SCN4A: variants seen among roughly 807,000 people sequenced by gnomAD.
The protein encoded by SCN4A is sodium voltage-gated channel alpha subunit 4, also known as sodium channel protein type 4 subunit alpha.
In SCN4A, 83 loss-of-function variants were observed where a neutral mutation model predicts 162.0. The ratio of observed to expected loss-of-function variants is 0.51; its 90% CI spans 0.43 to 0.61. The LOEUF (loss-of-function observed/expected upper bound fraction) is 0.61. SCN4A is among the 20% of genes least tolerant of loss of function. The pLI, the probability that SCN4A is intolerant of heterozygous loss-of-function variation, is 0.00. For synonymous variants in SCN4A, 944 were observed against 985.1 expected (o/e 0.96, Z 0.78); for missense variants, 2,196 against 2,462.5 (o/e 0.89, Z 2.29).
At chr17:63,962,717 G>T (rs1235781923) in intron 10 of SCN4A, among the ~76,000 whole-genome samples, 1 of 152,076 alleles carries the variant, frequency 6.6e-6, no homozygotes, top group Non-Finnish European at 1.5e-5. Context: ...GTCACTCAAA[G>T]CCTCCCCAGT....
chr17:63,944,534 G>T lies in SCN4A; in HGVS notation c.3912+139C>A. ...GTTCAAGGTGGCCTGGTGGGACTGG[G>T]ACCCAAGCTAGCTGCCTGAACCAAC... On this transcript the variant is annotated intron_variant, in intron 21 of 23. Coordinates refer to ENST00000435607, the MANE Select transcript of SCN4A (RefSeq NM_000334.4). This position sits in a 1 kb window ranked among gnomAD's most constrained non-coding sequence, Gnocchi z 4.3. The T allele has an allele frequency of 1.1e-6, 1 of 895,218 alleles. No homozygotes were observed. Among genetic ancestry groups the T allele is most frequent in the Admixed American group, 2.6e-5 (1 of 38,998 alleles). 55.5% of individuals were successfully genotyped at this position (895,218 alleles called of 1,614,324 possible).
chr17:63,948,599 G>A lies in SCN4A; in HGVS notation c.3144+12C>T. 2 of 1,611,192 alleles carry A rather than the reference G, an allele frequency of 1.2e-6. No individual in the cohort carries two copies. Among genetic ancestry groups the A allele is most frequent in the Non-Finnish European group, 1.7e-6 (2 of 1,178,246 alleles). ...CCCCTGCCCCTGACCCGTGCTCCCA[G>A]GCAGTGCCTACCAGAGCCCCACTGC... On this transcript the variant is annotated intron_variant, in intron 16 of 23. Transcript: ENST00000435607.
At chr17:63,971,394 C>A in intron 4 of SCN4A, 141 bp from the exon 5 acceptor site, 1 of 651,038 alleles carries the variant, frequency 1.5e-6, no homozygotes, top group Non-Finnish European at 2.8e-6. Context: ...GGGCAGACAC[C>A]CCCAAAGCTC....
Position 63,945,269 on chromosome 17 carries a change from A to C in SCN4A, c.3720+91T>G. ...AAGCAGGGTGGGCGGTCCCCTAACC[A>C]GGAGTGACACTGGGGTTGGGTACAA... On this transcript the variant is annotated intron_variant, in intron 19 of 23. Transcript: ENST00000435607. This position sits in a 1 kb window ranked among gnomAD's most constrained non-coding sequence, Gnocchi z 4.4. 5.8e-6 allele frequency: 7 copies of C among 1,215,232 alleles called. No homozygotes were observed. The highest frequency in any genetic ancestry group is 8.3e-6 in the Non-Finnish European group (7 of 846,938). The allele number at this position is 1,215,232 out of a possible 1,614,324, so 75.3% of individuals were successfully genotyped here.
intron 18 of SCN4A, 37 bp downstream of exon 18, chr17:63,947,008 A>AACCCCCCCCCC: frequency 7.7e-6 from 6 of 782,380 alleles, no homozygotes; most frequent in Non-Finnish European, 1.2e-5. Flanking sequence ...CCGGTCCCCC[A>AACCCCCCCCCC]TCCCCAGCCC....
At position 63,940,846 on chromosome 17, in the gene SCN4A, G is replaced by T. The variant is rs377620682; in HGVS notation, c.5436C>A (p.Pro1812=). The change falls in exon 24 of 24, where the codon CCC becomes CCA. Residue 1812 remains proline, a synonymous_variant. Transcript: ENST00000435607. Reference sequence around the variant, plus strand: ...GGGCGGGAGGCCAGGCAGTGTCTGAGGGGCTGATGGGCATCAGCCCCATAG... The same window carrying T: ...GGGCGGGAGGCCAGGCAGTGTCTGATGGGCTGATGGGCATCAGCCCCATAG... ...GPTMGLMPIS[P]SDTAWPPAPP... 17 of 1,611,968 alleles carry T rather than the reference G, an allele frequency of 1.1e-5. No individual in the cohort carries two copies. Among genetic ancestry groups the T allele is most frequent in the African/African-American group, 6.7e-5 (5 of 74,862 alleles).
Position 63,966,541 on chromosome 17 carries a change from T to C in SCN4A, c.1040A>G (p.Asn347Ser), listed in dbSNP as rs367545756. 2 of 1,613,574 alleles carry C rather than the reference T, an allele frequency of 1.2e-6. No homozygotes were observed. Among genetic ancestry groups the C allele is most frequent in the Non-Finnish European group, 1.7e-6 (2 of 1,179,612 alleles). ...DWDAYISDEG[N>S]FYFLEGSNDA... is the part of the protein sequence containing the mutation. The stretch of plus-strand genomic sequence containing the variant: ...GTTGGAGCCCTCCAGGAAGTAGAAG[T>C]TCCCTTTGGGAGTCAGAGGCCACAA... The change falls in exon 7 of 24, where the codon AAC becomes AGC. Residue 347 changes from asparagine (N) to serine (S), a missense_variant. Coordinates refer to ENST00000435607, the MANE Select transcript of SCN4A (RefSeq NM_000334.4).
At chr17:63,959,227 C>G (rs1332377891) in intron 12 of SCN4A, 38 bp downstream of exon 12, 1 of 1,579,266 alleles carries the variant, frequency 6.3e-7, no homozygotes, top group East Asian at 2.2e-5. Context: ...CCTCACCCCA[C>G]CCCCATCCCA....
In SCN4A at chr17:63,939,651, C is replaced by T. The variant is rs914211029; in HGVS notation, c.*1120G>A. ...ATGCAGCAGAAGTGCTTCTTCAGGC[C>T]ACAGGAAGTTGGAAGGTTGAGCCTG... On this transcript the variant is annotated 3_prime_UTR_variant, in exon 24 of 24. Coordinates refer to ENST00000435607, the MANE Select transcript of SCN4A (RefSeq NM_000334.4). The T allele has an allele frequency of 2.0e-5, 3 of 152,228 alleles. No individual in the cohort carries two copies. Among genetic ancestry groups the T allele is most frequent in the African/African-American group, 7.2e-5 (3 of 41,408 alleles). The allele number at this position is 152,228 out of a possible 1,614,324, so 9.4% of individuals were successfully genotyped here. A position where few individuals can be genotyped will look rare whatever the true frequency, so the allele number is the denominator to read the frequency against.
rs1909634734 is a variant in SCN4A at position 63,972,223 on chromosome 17, A to C, written c.395T>G (p.Leu132Arg). 2.5e-6 allele frequency: 4 copies of C among 1,613,166 alleles called. No individual in the cohort carries two copies. Among genetic ancestry groups the C allele is most frequent in the Non-Finnish European group, 3.4e-6 (4 of 1,179,508 alleles). ...GGTGATCATGATGAACATGCTGAACAGCGTGGGGCAGGGTCAAGGAAAGTG... is the reference window on the plus strand; with the variant it reads ...GGTGATCATGATGAACATGCTGAACCGCGTGGGGCAGGGTCAAGGAAAGTG... Reference protein sequence around the residue: ...RGAIKVLIHALFSMFIMITIL... With the variant: ...RGAIKVLIHARFSMFIMITIL... The change falls in exon 3 of 24, where the codon CTG (leucine) becomes CGG (arginine). Residue 132 changes from leucine to arginine, a missense_variant and splice_region_variant. Physicochemically the swap from Leu to Arg is moderately radical, Grantham distance 102 (BLOSUM62 -2). Transcript: ENST00000435607. This position sits in a 1 kb window ranked among gnomAD's most constrained non-coding sequence, Gnocchi z 4.3.
intron 13 of SCN4A, among the ~76,000 whole-genome samples, chr17:63,954,860 A>C (rs1052681183): frequency 6.6e-6 from 1 of 152,184 alleles, no homozygotes; most frequent in African/African-American, 2.4e-5. Context: ...GGCACACAGA[A>C]GCAGGGCCTG....
At chr17:63,958,353 T>TAA (rs573050612) in intron 12 of SCN4A, among the ~76,000 whole-genome samples, 13 of 146,324 alleles carry the variant, frequency 8.9e-5, no homozygotes, top group Non-Finnish European at 1.5e-4. Context: ...AAACCCTGTC[T>TAA]AAAAAAAAAA....
Position 63,948,721 on chromosome 17 carries a change from C to T in SCN4A, c.3034G>A (p.Gly1012Ser), listed in dbSNP as rs1908809304. 2.5e-6 allele frequency: 4 copies of T among 1,613,272 alleles called. No homozygotes were observed. In the East Asian group the frequency reaches 6.7e-5, roughly 27 times the overall value. Reference protein sequence around the residue: ...WPCLYVDISQGRGKKWWTLRR... With the variant: ...WPCLYVDISQSRGKKWWTLRR... ...AGAGTCCACCACTTCTTCCCACGGC[C>T]CTGGGAGATGTCCACGTAGAGGCAG... The change falls in exon 16 of 24, where the codon GGC becomes AGC. Residue 1012 changes from glycine to serine, a missense_variant. Coordinates refer to ENST00000435607, the MANE Select transcript of SCN4A (RefSeq NM_000334.4).
Position 63,961,211 on chromosome 17 carries a change from C to T in SCN4A, c.1827G>A (p.Val609=). ...TCCCTACCAGGTTGCCCACAGTGAG[C>T]ACGTTGTCAAAGTGCTCCGTCATGG... The part of the protein sequence containing the change: ...HYPMTEHFDN[V]LTVGNLVFTG... Residue 609 remains valine, a synonymous_variant, in exon 11 of 24, where the codon GTG becomes GTA. Transcript: ENST00000435607. 1 of 1,524,466 alleles carries T rather than the reference C, an allele frequency of 6.6e-7. No homozygotes were observed. The highest frequency in any genetic ancestry group is 8.9e-7 in the Non-Finnish European group (1 of 1,123,944). The allele number at this position is 1,524,466 out of a possible 1,614,324, so 94.4% of individuals were successfully genotyped here.
At chr17:63,947,772 G>T in intron 17 of SCN4A, 118 bp downstream of exon 17, 1 of 956,152 alleles carries the variant, frequency 1.0e-6, no homozygotes, top group Admixed American at 2.7e-5. Flanking sequence ...CTGATTGAGG[G>T]TCTGACTCTG....
chr17:63,947,170 G>T lies in SCN4A; in HGVS notation c.3319-3C>A. ...GCCACCAAGCTGATGATGGAGACCT[G>T]CAGGGGAGGGGTGAGGGGATCAGTG... On this transcript the variant is annotated splice_polypyrimidine_tract_variant and splice_region_variant and intron_variant, in intron 17 of 23. Transcript: ENST00000435607. 1.2e-6 allele frequency: 2 copies of T among 1,613,136 alleles called. No individual in the cohort carries two copies. Among genetic ancestry groups the T allele is most frequent in the Non-Finnish European group, 1.7e-6 (2 of 1,179,786 alleles).
At position 63,972,912 on chromosome 17, in the gene SCN4A, G is replaced by A. The variant is rs529715095; in HGVS notation, c.-71C>T. ...GGGAGCTGCAGTGCGCAGCCCCGGGGTGCTGGGCGGCCGCCCCTCCCTGGG... is the reference window on the plus strand; with the variant it reads ...GGGAGCTGCAGTGCGCAGCCCCGGGATGCTGGGCGGCCGCCCCTCCCTGGG... On this transcript the variant is annotated 5_prime_UTR_variant, in exon 1 of 24. Transcript: ENST00000435607. The surrounding 1 kb of genome is among the most constrained non-coding windows in gnomAD (Gnocchi z 4.3). 10 of 1,474,534 alleles carry A rather than the reference G, an allele frequency of 6.8e-6. No homozygotes were observed. In the African/African-American group the frequency reaches 1.4e-4, roughly 21 times the overall value. The allele number at this position is 1,474,534 out of a possible 1,614,324, so 91.3% of individuals were successfully genotyped here.
chr17:63,963,572 G>C, intron 10 of SCN4A, 100 bp downstream of exon 10: 7 of 1,307,102 alleles, frequency 5.4e-6, no homozygotes, highest in Non-Finnish European at 7.1e-6. Context: ...GGTAGAGGGG[G>C]CACAGGGCAC....
Position 63,941,039 on chromosome 17 carries a change from T to C in SCN4A, c.5243A>G (p.Lys1748Arg), listed in dbSNP as rs1908507689. ...YRRHLLQRSM[K>R]QASYMYRHSH... ...GTGGCGGTACATGTAGGATGCCTGC[T>C]TCATGGAGCGCTGTAGCAGGTGCCG... The change falls in exon 24 of 24, where the codon AAG becomes AGG. Residue 1748 changes from lysine to arginine, a missense_variant. By Grantham distance (26) the Lys-to-Arg change is conservative. Transcript: ENST00000435607. The surrounding 1 kb of genome is among the most constrained non-coding windows in gnomAD (Gnocchi z 6.2). 4.3e-6 allele frequency: 7 copies of C among 1,613,782 alleles called. No individual in the cohort carries two copies. The East Asian group carries it at 6.7e-5, about 15-fold the overall frequency.
Sources: allele counts gnomAD v4.1 joint callset (sites outside exome capture counted in the v4.1 genomes callset), GRCh38; gene constraint gnomAD v4.1.1; non-coding constraint Gnocchi (gnomAD v3.1); transcripts MANE v1.5; gene names NCBI Gene and HGNC (gene_info 2026-07-23, HGNC 2026-07-21).